The following NXPH2 variants were observed in gnomAD, a reference collection of about 807,000 sequenced individuals.
The protein encoded by NXPH2 is neurexophilin-2.
A neutral mutation model predicts 19.8 loss-of-function variants in NXPH2; 5 were observed. That is an observed-to-expected ratio of 0.25 (90% CI 0.13 to 0.53). The LOEUF (loss-of-function observed/expected upper bound fraction) is 0.53. NXPH2 is among the 20% of genes least tolerant of loss of function. NXPH2 has a pLI of 0.96. For missense variants in NXPH2, 289 were observed against 322.8 expected (o/e 0.90, Z 0.80); for synonymous variants, 154 against 127.4 (o/e 1.21, Z -1.41).
At chr2:138,726,891 T>C (rs1367092351) in intron 1 of NXPH2, among the ~76,000 whole-genome samples, 2 of 152,218 alleles carry the variant, frequency 1.3e-5, no homozygotes, top group Non-Finnish European at 2.9e-5. Flanking sequence ...TCCACCATTA[T>C]AGTATCATAC....
intron 1 of NXPH2, among the ~76,000 whole-genome samples, chr2:138,693,457 C>G (rs186792970): frequency 6.6e-6 from 1 of 152,278 alleles, no homozygotes; most frequent in Non-Finnish European, 1.5e-5. Flanking sequence ...GAATGAAGAA[C>G]AGTATATTCA....
At chr2:138,730,180 C>T (rs1573969361) in intron 1 of NXPH2, among the ~76,000 whole-genome samples, 2 of 148,392 alleles carry the variant, frequency 1.3e-5, no homozygotes, top group East Asian at 2.2e-4. Context: ...ACCTAAAGTT[C>T]CCCCACCCCA....
chr2:138,700,114 C>A lies in NXPH2; in HGVS notation c.52-28449G>T, dbSNP rs565539369. On this transcript the variant is annotated intron_variant, in intron 1 of 1. Coordinates refer to ENST00000272641, the MANE Select transcript of NXPH2 (RefSeq NM_007226.3). ...ATCAGGGCACAGAGAGTTTAAGCAA[C>A]GAATCCAAGTTCCCTGAGCAAGTGC... Among the ~76,000 whole-genome samples, 10 of 152,206 alleles carry A rather than the reference C, an allele frequency of 6.6e-5. No individual in the cohort carries two copies. The East Asian group carries it at 1.5e-3, about 24-fold the overall frequency.
chr2:138,723,309 C>T (rs1483748278), intron 1 of NXPH2, among the ~76,000 whole-genome samples: 2 of 152,066 alleles, frequency 1.3e-5, no homozygotes, highest in African/African-American at 4.8e-5. Flanking sequence ...TAAAAAAATT[C>T]ATTGAAGATT....
At chr2:138,779,938 T>A (rs1270360585) in intron 1 of NXPH2, among the ~76,000 whole-genome samples, 1 of 152,148 alleles carries the variant, frequency 6.6e-6, no homozygotes, top group African/African-American at 2.4e-5. Flanking sequence ...CCCGGCCACC[T>A]TCTGCCTACT....
chr2:138,736,124 C>T (rs1416353176), intron 1 of NXPH2, among the ~76,000 whole-genome samples: 1 of 152,192 alleles, frequency 6.6e-6, no homozygotes, highest in Non-Finnish European at 1.5e-5. Flanking sequence ...GCCAGTGGAT[C>T]TATCATTCTG....
intron 1 of NXPH2, among the ~76,000 whole-genome samples, chr2:138,761,351 C>T (rs954256560): frequency 2.0e-5 from 3 of 152,138 alleles, no homozygotes; most frequent in African/African-American, 7.2e-5. Flanking sequence ...AGCAATGGGG[C>T]AAATCTGATG....
intron 1 of NXPH2, among the ~76,000 whole-genome samples, chr2:138,689,140 C>T (rs777641605): frequency 1.6e-4 from 25 of 152,156 alleles, no homozygotes; most frequent in Non-Finnish European, 2.5e-4. Flanking sequence ...TGTACCCAAA[C>T]GACCATATCA....
intron 1 of NXPH2, among the ~76,000 whole-genome samples, chr2:138,746,659 C>T (rs1681740604): frequency 6.6e-6 from 1 of 152,118 alleles, no homozygotes; most frequent in Admixed American, 6.5e-5. Context: ...GGGAAGACAT[C>T]CAAAAGACTA....
chr2:138,718,667 G>T (rs1232176101), intron 1 of NXPH2, among the ~76,000 whole-genome samples: 1 of 152,150 alleles, frequency 6.6e-6, no homozygotes, highest in Non-Finnish European at 1.5e-5. Context: ...GGACCTTGAT[G>T]CCTGGGGCAT....
At chr2:138,682,926 C>T (rs1680599215) in intron 1 of NXPH2, among the ~76,000 whole-genome samples, 1 of 152,152 alleles carries the variant, frequency 6.6e-6, no homozygotes, top group Admixed American at 6.6e-5. Context: ...TGTATGCATG[C>T]ACATACCATA....
chr2:138,671,853 G>A (rs2104963232), intron 1 of NXPH2, among the ~76,000 whole-genome samples, 188 bp from the exon 2 acceptor site: 1 of 152,262 alleles, frequency 6.6e-6, no homozygotes, highest in African/African-American at 2.4e-5. Context: ...GGAAAACTGC[G>A]AGTATGAAAA....
intron 1 of NXPH2, among the ~76,000 whole-genome samples, chr2:138,757,042 G>A (rs1414694725): frequency 1.3e-5 from 2 of 152,034 alleles, no homozygotes; most frequent in Non-Finnish European, 2.9e-5. Flanking sequence ...TTTAAAATAG[G>A]TTTAAATCTA....
At chr2:138,754,596 A>C (rs1003369834) in intron 1 of NXPH2, among the ~76,000 whole-genome samples, 2 of 152,182 alleles carry the variant, frequency 1.3e-5, no homozygotes, top group African/African-American at 4.8e-5. Context: ...CTATAGAAGC[A>C]CAGCTTGTGT....
intron 1 of NXPH2, among the ~76,000 whole-genome samples, chr2:138,679,525 C>T (rs868438436): frequency 1.6e-4 from 25 of 152,060 alleles, no homozygotes; most frequent in African/African-American, 6.0e-4. Context: ...CTCAGACTCC[C>T]GAGTAGCTGG....
chr2:138,741,715 A>G (rs977514191), intron 1 of NXPH2, among the ~76,000 whole-genome samples: 1 of 152,348 alleles, frequency 6.6e-6, no homozygotes, highest in South Asian at 2.1e-4. Flanking sequence ...TGGATTACAT[A>G]CTTTCTGCAG....
At position 138,770,979 on chromosome 2, in the gene NXPH2, A is replaced by AT. The variant is rs898401574; in HGVS notation, c.51+9211dup. Among the ~76,000 whole-genome samples the AT allele has an allele frequency of 3.3e-5, 5 of 151,912 alleles. No homozygotes were observed. The East Asian group carries it at 5.8e-4, about 18-fold the overall frequency. On this transcript the variant is annotated intron_variant, in intron 1 of 1. Coordinates refer to ENST00000272641, the MANE Select transcript of NXPH2 (RefSeq NM_007226.3). ...ACTTTCCTTTAATAGATTGTCAAAA[A>AT]TTTTTTTTTAAATACCAGTATTCAG...
intron 1 of NXPH2, among the ~76,000 whole-genome samples, chr2:138,691,559 A>G (rs1356086003): frequency 6.6e-6 from 1 of 152,116 alleles, no homozygotes; most frequent in Non-Finnish European, 1.5e-5. Flanking sequence ...CCCTTTGCCT[A>G]ATTAGCCCCT....
chr2:138,696,958 A>G lies in NXPH2; in HGVS notation c.52-25293T>C, dbSNP rs145967644. 6.0e-3 allele frequency among the ~76,000 whole-genome samples: 918 copies of G among 152,290 alleles called. 9 individuals carry two copies. Among genetic ancestry groups the G allele is most frequent in the African/African-American group, 0.021 (865 of 41,576 alleles). On this transcript the variant is annotated intron_variant, in intron 1 of 1. Coordinates refer to ENST00000272641, the MANE Select transcript of NXPH2 (RefSeq NM_007226.3). ...AAAAATAGTAAACCTATCAGATAAA[A>G]AAGTAATTGTAGAGAAAACATAAGT...
Sources: gnomAD v4.1 joint callset for allele counts (sites outside exome capture counted in the v4.1 genomes callset) on GRCh38, gnomAD v4.1.1 for gene constraint, MANE v1.5 for transcripts, NCBI Gene and HGNC (gene_info 2026-07-23, HGNC 2026-07-21) for gene names.